The following JAK1 variants were observed in gnomAD, a reference collection of about 807,000 sequenced individuals.
The protein encoded by JAK1 is tyrosine-protein kinase JAK1.
JAK1 carries 16 observed loss-of-function variants against 136.6 expected under a neutral mutation model. The ratio of observed to expected loss-of-function variants is 0.12; its 90% CI spans 0.08 to 0.18. The LOEUF (loss-of-function observed/expected upper bound fraction) is 0.18. JAK1 is among the 10% of genes least tolerant of loss of function. The probability of loss-of-function intolerance (pLI) is 1.00; values close to 1 mark genes in which losing one functional copy is unlikely to be tolerated. For synonymous variants in JAK1, 492 were observed against 519.5 expected (o/e 0.95, Z 0.72); for missense variants, 859 against 1,450.1 (o/e 0.59, Z 6.62).
At chr1:65,042,407 A>C (rs1052554375) in intron 2 of JAK1, among the ~76,000 whole-genome samples, 1 of 147,904 alleles carries the variant, frequency 6.8e-6, no homozygotes, top group Non-Finnish European at 1.5e-5. Context: ...ACTCTTATTT[A>C]ACACACACAC....
intron 1 of JAK1, among the ~76,000 whole-genome samples, chr1:64,946,166 T>C (rs536707731): frequency 6.6e-6 from 1 of 152,180 alleles, no homozygotes; most frequent in Admixed American, 6.5e-5. Flanking sequence ...GAGGGAGATC[T>C]ACCACCCACA....
intron 2 of JAK1, among the ~76,000 whole-genome samples, chr1:65,017,044 A>G (rs2100783041): frequency 6.6e-6 from 1 of 152,394 alleles, no homozygotes; most frequent in South Asian, 2.1e-4. Flanking sequence ...TGAATTTATA[A>G]GTACCTAGTA....
intron 20 of JAK1, 166 bp downstream of exon 20, chr1:64,839,437 C>A (rs1654748490): frequency 6.9e-6 from 4 of 580,914 alleles, no homozygotes; most frequent in South Asian, 2.7e-5. Context: ...CCTGCAGCTG[C>A]TGAGGGATTT....
intron 1 of JAK1, among the ~76,000 whole-genome samples, chr1:65,062,518 A>C (rs1338632219): frequency 4.6e-5 from 7 of 152,116 alleles, no homozygotes. Context: ...ACTTGCAATG[A>C]CCTCCAATTC....
At chr1:64,879,647 A>G (rs936891128) in intron 3 of JAK1, among the ~76,000 whole-genome samples, 2 of 152,262 alleles carry the variant, frequency 1.3e-5, no homozygotes, top group African/African-American at 4.8e-5. Flanking sequence ...TGCAAAATGC[A>G]TATTAGAATA....
At chr1:65,018,649 A>G (rs1646911226) in intron 2 of JAK1, among the ~76,000 whole-genome samples, 1 of 152,232 alleles carries the variant, frequency 6.6e-6, no homozygotes, top group East Asian at 1.9e-4. Flanking sequence ...TTCATCGGGG[A>G]AAAATCAACA....
At chr1:65,019,669 C>T (rs1646920247) in intron 2 of JAK1, among the ~76,000 whole-genome samples, 9 of 152,122 alleles carry the variant, frequency 5.9e-5, no homozygotes. Context: ...GTAATCCTAA[C>T]ACTTTGGGAG....
intron 9 of JAK1, among the ~76,000 whole-genome samples, chr1:64,858,938 C>T (rs1656119662): frequency 6.6e-6 from 1 of 152,204 alleles, no homozygotes. Context: ...TGTGCAGATT[C>T]TGGAGGAAGG....
At chr1:65,033,584 A>C (rs1384497097) in intron 2 of JAK1, among the ~76,000 whole-genome samples, 2 of 152,214 alleles carry the variant, frequency 1.3e-5, no homozygotes, top group South Asian at 4.1e-4. Flanking sequence ...AATGCACACA[A>C]AATAATTAGA....
rs1654422022 is a variant in JAK1 at position 64,835,431 on chromosome 1, T to C, written c.3334A>G (p.Lys1112Glu). Reference sequence around the variant, plus strand: ...CAGTTAGGTGGGCACGGCAGGCGTTTTCCTTCTTTTAACGTATTCACAAGT... The same window carrying C: ...CAGTTAGGTGGGCACGGCAGGCGTTCTCCTTCTTTTAACGTATTCACAAGT... ...TRLVNTLKEG[K>E]RLPCPPNCPD... is the part of the protein sequence containing the mutation. Residue 1112 changes from lysine (K) to glutamate (E), a missense_variant, in exon 24 of 25, where the codon AAA becomes GAA. By Grantham distance (56) the Lys-to-Glu change is moderately conservative. Transcript: ENST00000342505. 1 of 1,609,434 alleles carries C rather than the reference T, an allele frequency of 6.2e-7. No homozygotes were observed. Among genetic ancestry groups the C allele is most frequent in the South Asian group, 1.1e-5 (1 of 90,440 alleles).
chr1:64,899,424 T>C (rs1471776921), intron 1 of JAK1, among the ~76,000 whole-genome samples: 7 of 152,150 alleles, frequency 4.6e-5, no homozygotes, highest in Admixed American at 4.6e-4. Context: ...ACTCTAAAAA[T>C]CATTTAGACT....
At chr1:65,067,718 TTTTA>T (rs1178906258) in exon 1 of JAK1, 2 of 150,816 alleles carry the variant, frequency 1.3e-5, no homozygotes, top group East Asian at 3.9e-4. Flanking sequence ...ATTTTTCTGT[TTTTA>T]TTCTATCTCT....
At chr1:64,930,880 C>T (rs529606153) in intron 1 of JAK1, among the ~76,000 whole-genome samples, 172 of 152,226 alleles carry the variant, frequency 1.1e-3, no homozygotes, top group African/African-American at 3.8e-3. Flanking sequence ...TCATCATTCT[C>T]AGCAAACTAA....
chr1:64,971,312 A>T (rs1177127066), upstream of JAK1, among the ~76,000 whole-genome samples: 1 of 152,196 alleles, frequency 6.6e-6, no homozygotes, highest in Admixed American at 6.5e-5. Context: ...TCATAAGTGT[A>T]TTTCAATGTT....
At chr1:64,977,181 C>T (rs59721518) in intron 2 of JAK1, among the ~76,000 whole-genome samples, 2,967 of 149,314 alleles carry the variant, frequency 0.02, 116 homozygotes, top group African/African-American at 0.071. Flanking sequence ...ATAGGATCTC[C>T]CTCTGTCGCC....
intron 8 of JAK1, among the ~76,000 whole-genome samples, chr1:64,864,036 A>G (rs1289668874): frequency 6.6e-6 from 1 of 152,244 alleles, no homozygotes; most frequent in Non-Finnish European, 1.5e-5. Flanking sequence ...TGAATACAAG[A>G]GAGTGACTGT....
chr1:64,913,705 A>AAGGGAGGAAGGAAGGGAGGG (rs1553168171), intron 1 of JAK1, among the ~76,000 whole-genome samples: 1 of 35,718 alleles, frequency 2.8e-5, no homozygotes. Context: ...GGAAGGAAAG[A>AAGGGAGGAAGGAAGGGAGGG]AGGGAGGGAG....
intron 2 of JAK1, among the ~76,000 whole-genome samples, chr1:64,976,729 T>C (rs1646500318): frequency 6.6e-6 from 1 of 152,210 alleles, no homozygotes; most frequent in African/African-American, 2.4e-5. Flanking sequence ...CTTCTGGTCT[T>C]ACATGATATT....
chr1:64,847,443 G>A, intron 13 of JAK1, 89 bp downstream of exon 13: 7 of 1,497,198 alleles, frequency 4.7e-6, no homozygotes, highest in Non-Finnish European at 5.5e-6. Flanking sequence ...TGGGCCACAA[G>A]AAGGGCAAGG....
Sources: gnomAD v4.1 joint callset for allele counts (sites outside exome capture counted in the v4.1 genomes callset) on GRCh38, gnomAD v4.1.1 for gene constraint, MANE v1.5 for transcripts, NCBI Gene and HGNC (gene_info 2026-07-23, HGNC 2026-07-21) for gene names.